SKIC3: variants seen among roughly 807,000 people sequenced by gnomAD.
SKIC3 encodes SKI3 subunit of superkiller complex.
chr5:95,503,494 T>C, the SKIC3 span, among the ~76,000 whole-genome samples: 1 of 152,220 alleles, frequency 6.6e-6, no homozygotes, highest in African/African-American at 2.4e-5. Flanking sequence ...GAAATTAACA[T>C]CTAAGCAGTG....
the SKIC3 span, among the ~76,000 whole-genome samples, chr5:95,494,431 T>C: frequency 1.3e-5 from 2 of 152,164 alleles, no homozygotes; most frequent in East Asian, 3.8e-4. Flanking sequence ...CTTGAAACTA[T>C]GTAAATCTAT....
chr5:95,490,996 G>A, the SKIC3 span: 22 of 1,613,890 alleles, frequency 1.4e-5, no homozygotes, highest in East Asian at 6.7e-5. Context: ...TATCATCAGC[G>A]TGACAGGCTG....
the SKIC3 span, chr5:95,541,828 C>A: frequency 1.2e-6 from 2 of 1,611,250 alleles, no homozygotes; most frequent in Non-Finnish European, 1.7e-6. Flanking sequence ...TCATAAAGAT[C>A]CAGGAGCTTT....
chr5:95,522,163 A>G, the SKIC3 span: 2 of 1,613,822 alleles, frequency 1.2e-6, no homozygotes, highest in East Asian at 4.5e-5. Flanking sequence ...CCTTAAACAC[A>G]CTGTATATGG....
chr5:95,523,874 T>C, the SKIC3 span: 26 of 1,549,390 alleles, frequency 1.7e-5, no homozygotes, highest in Non-Finnish European at 2.3e-5. Flanking sequence ...CATTAAAAGT[T>C]CATTTAATGA....
At chr5:95,540,945 G>T in the SKIC3 span, 1 of 999,056 alleles carries the variant, frequency 1.0e-6, no homozygotes, top group Non-Finnish European at 1.5e-6. Flanking sequence ...AATAGCAAAA[G>T]CATAGAACCC....
At chr5:95,514,711 T>C in the SKIC3 span, 1 of 679,204 alleles carries the variant, frequency 1.5e-6, no homozygotes, top group African/African-American at 1.8e-5. Flanking sequence ...TTAACTGAAA[T>C]AGTGTATACA....
chr5:95,504,045 A>C, the SKIC3 span: 8 of 1,005,660 alleles, frequency 8.0e-6, no homozygotes, highest in South Asian at 1.3e-5. Flanking sequence ...GCGGTGGCTC[A>C]CATCTGTAAT....
At chr5:95,488,553 C>A in the SKIC3 span, among the ~76,000 whole-genome samples, 33 of 152,256 alleles carry the variant, frequency 2.2e-4, no homozygotes, top group African/African-American at 6.3e-4. Flanking sequence ...AAGAAAAAAA[C>A]TGTCAGCCAA....
At chr5:95,537,201 A>G in the SKIC3 span, 6 of 1,371,724 alleles carry the variant, frequency 4.4e-6, no homozygotes, top group East Asian at 2.3e-5. Context: ...GATTAAATGT[A>G]TAAGACTCTC....
At chr5:95,507,314 T>C in the SKIC3 span, among the ~76,000 whole-genome samples, 7 of 152,220 alleles carry the variant, frequency 4.6e-5, no homozygotes, top group Non-Finnish European at 8.8e-5. Context: ...GTTTAAAGTT[T>C]TGACATATTT....
At chr5:95,497,544 A>G in the SKIC3 span, 5 of 1,284,718 alleles carry the variant, frequency 3.9e-6, no homozygotes, top group Middle Eastern at 3.7e-4. Flanking sequence ...CACAAAATGT[A>G]CAAGCAACCA....
chr5:95,536,991 C>T, the SKIC3 span: 3 of 1,600,836 alleles, frequency 1.9e-6, no homozygotes, highest in Non-Finnish European at 2.6e-6. Context: ...TGAACACTTT[C>T]CTAATTAGAA....
At chr5:95,467,754 A>G in the SKIC3 span, 4 of 1,458,792 alleles carry the variant, frequency 2.7e-6, no homozygotes, top group South Asian at 3.9e-5. Flanking sequence ...TAAAAATTCA[A>G]TCATAAAAGT....
At chr5:95,517,518 T>C in the SKIC3 span, among the ~76,000 whole-genome samples, 3 of 152,274 alleles carry the variant, frequency 2.0e-5, no homozygotes, top group South Asian at 4.1e-4. Flanking sequence ...GGGATTACTT[T>C]AAGTGCCAGA....
chr5:95,485,859 C>G, the SKIC3 span, among the ~76,000 whole-genome samples: 1 of 152,048 alleles, frequency 6.6e-6, no homozygotes, highest in Non-Finnish European at 1.5e-5. Flanking sequence ...TGGACCTCAA[C>G]AGAAAAGTGA....
At chr5:95,541,694 T>TG in the SKIC3 span, 2 of 736,302 alleles carry the variant, frequency 2.7e-6, no homozygotes, top group Non-Finnish European at 4.4e-6. Context: ...GACAAATGTT[T>TG]GAAAAAAAAA....
chr5:95,504,003 C>T, the SKIC3 span: 2 of 1,559,296 alleles, frequency 1.3e-6, no homozygotes, highest in South Asian at 1.1e-5. Flanking sequence ...CATCAAAATA[C>T]TGAGATATAA....
chr5:95,538,341 A>G, the SKIC3 span, among the ~76,000 whole-genome samples: 1 of 152,176 alleles, frequency 6.6e-6, no homozygotes, highest in Non-Finnish European at 1.5e-5. Context: ...ATCTATGCAC[A>G]GATAAATCAT....
Sources: gnomAD v4.1 joint callset for allele counts (sites outside exome capture counted in the v4.1 genomes callset) on GRCh38, gnomAD v4.1.1 for gene constraint, MANE v1.5 for transcripts, NCBI Gene and HGNC (gene_info 2026-07-23, HGNC 2026-07-21) for gene names.